Variants in CFAP47 observed in about 807,000 individuals in gnomAD.
CFAP47 encodes the protein cilia- and flagella-associated protein 47.
In CFAP47, 29 loss-of-function variants were observed where a neutral mutation model predicts 148.1. That is an observed-to-expected ratio of 0.20 (90% CI 0.15 to 0.27). The LOEUF is 0.27. CFAP47 is among the 10% of genes least tolerant of loss of function. CFAP47 has a pLI of 1.00. For missense variants in CFAP47, 1,872 were observed against 1,697.5 expected (o/e 1.10, Z -1.81); for synonymous variants, 664 against 577.3 (o/e 1.15, Z -2.15).
chrX:36,027,436 A>G (rs777109104), intron 22 of CFAP47, among the ~76,000 whole-genome samples: 107 of 110,489 alleles, frequency 9.7e-4, no homozygotes, highest in African/African-American at 3.4e-3. Flanking sequence ...AAGAACATGC[A>G]GTATTTGACT....
chrX:36,129,057 G>T (rs1228725253), intron 33 of CFAP47, among the ~76,000 whole-genome samples: 2 of 109,061 alleles, frequency 1.8e-5, no homozygotes, highest in Non-Finnish European at 3.8e-5. Flanking sequence ...TGAATTTTAT[G>T]GTATTCACTG....
At chrX:36,223,034 G>A (rs782349838) in intron 45 of CFAP47, among the ~76,000 whole-genome samples, 1 of 110,201 alleles carries the variant, frequency 9.1e-6, no homozygotes, top group Non-Finnish European at 1.9e-5. Context: ...TCTGGTTGTT[G>A]AAAAGTGTAT....
chrX:36,379,405 G>A lies in CFAP47; in HGVS notation c.9241G>A (p.Val3081Ile). The change falls in exon 63 of 64, where the codon GTA (valine) becomes ATA (isoleucine). Residue 3081 changes from valine to isoleucine, a missense_variant. Physicochemically the swap from Val to Ile is conservative, Grantham distance 29 (BLOSUM62 3). Coordinates refer to ENST00000378653, the MANE Select transcript of CFAP47 (RefSeq NM_001304548.2). The part of the protein sequence containing the change: ...FLPGSDLEFF[V>I]KPQAGELLPF... ...ACCTGGCAGCGATCTGGAGTTTTTT[G>A]TAAAACCTCAGGCTGGAGAACTTCT... 8.6e-7 allele frequency: 1 copy of A among 1,166,458 alleles called. No individual in the cohort carries two copies.
intron 45 of CFAP47, among the ~76,000 whole-genome samples, chrX:36,216,980 G>A (rs1338377997): frequency 2.7e-5 from 3 of 111,819 alleles, no homozygotes; most frequent in Non-Finnish European, 5.6e-5. Context: ...TTGTCCCCAG[G>A]TAGGAAGGGG....
At chrX:35,985,911 T>A (rs754719692) in intron 15 of CFAP47, 1 of 332,448 alleles carries the variant, frequency 3.0e-6, no homozygotes, top group Non-Finnish European at 5.9e-6. Flanking sequence ...CCTGCCATCA[T>A]TAGCTTATTT....
At chrX:36,279,543 G>T in intron 49 of CFAP47, among the ~76,000 whole-genome samples, 1 of 111,659 alleles carries the variant, frequency 9.0e-6, no homozygotes, top group Non-Finnish European at 1.9e-5. Flanking sequence ...GTGTGCAAAG[G>T]TTTGTTTATG....
chrX:36,371,525 GTATA>G (rs1218445593), intron 62 of CFAP47, among the ~76,000 whole-genome samples: 1 of 104,714 alleles, frequency 9.5e-6, no homozygotes, highest in South Asian at 4.2e-4. Context: ...ATATATGTGT[GTATA>G]TATATGTGTA....
At chrX:36,276,174 A>G (rs1556002663) in intron 49 of CFAP47, among the ~76,000 whole-genome samples, 2 of 110,799 alleles carry the variant, frequency 1.8e-5, no homozygotes, top group Non-Finnish European at 3.8e-5. Context: ...ATAACTCTTC[A>G]CTGTGCTAGT....
intron 42 of CFAP47, 127 bp from the exon 43 acceptor site, chrX:36,200,252 G>A (rs1381261177): frequency 7.2e-6 from 2 of 278,373 alleles, no homozygotes; most frequent in Non-Finnish European, 1.3e-5. Context: ...CCCATTTATA[G>A]GCTGTGTTGC....
In CFAP47 at chrX:36,006,150, T is replaced by C. The variant is rs1018802886; in HGVS notation, c.3417+4443T>C. On this transcript the variant is annotated intron_variant, in intron 21 of 63. Coordinates refer to ENST00000378653, the MANE Select transcript of CFAP47 (RefSeq NM_001304548.2). ...TCTTACATGACTTTTTTGGAGAATGTATTATATATAATATATTTAGACAAT... is the reference window on the plus strand; with the variant it reads ...TCTTACATGACTTTTTTGGAGAATGCATTATATATAATATATTTAGACAAT... 5.4e-5 allele frequency among the ~76,000 whole-genome samples: 6 copies of C among 111,124 alleles called. No homozygotes were observed. The East Asian group carries it at 1.7e-3, about 31-fold the overall frequency.
chrX:36,193,567 A>G (rs1478861983), intron 42 of CFAP47, among the ~76,000 whole-genome samples: 2 of 111,325 alleles, frequency 1.8e-5, no homozygotes, highest in African/African-American at 6.5e-5. Context: ...TTCCTGGGGA[A>G]ACATAGGCAA....
intron 50 of CFAP47, 144 bp downstream of exon 50, chrX:36,280,774 A>G (rs781845899): frequency 9.1e-6 from 3 of 327,923 alleles, no homozygotes; most frequent in Admixed American, 5.6e-5. Flanking sequence ...TTATTTCAGT[A>G]TTAACTATAT....
rs1939655510 is a variant in CFAP47 at position 36,175,260 on chromosome X, C to T, written c.6027-4085C>T. ...CTTTGGTTTGAATGTCCTCCCATAGCTCAGAGCAATTTGATCGTCTGAAGC... is the reference window on the plus strand; with the variant it reads ...CTTTGGTTTGAATGTCCTCCCATAGTTCAGAGCAATTTGATCGTCTGAAGC... On this transcript the variant is annotated intron_variant, in intron 39 of 63. Coordinates refer to ENST00000378653, the MANE Select transcript of CFAP47 (RefSeq NM_001304548.2). Among the ~76,000 whole-genome samples the T allele has an allele frequency of 4.5e-5, 5 of 111,899 alleles. No individual in the cohort carries two copies. The Admixed American group carries it at 4.7e-4, about 11-fold the overall frequency.
At chrX:36,024,347 TCTC>T (rs772900581) in intron 22 of CFAP47, among the ~76,000 whole-genome samples, 8 of 111,572 alleles carry the variant, frequency 7.2e-5, no homozygotes, top group Admixed American at 5.7e-4. Flanking sequence ...TTGCCTCTCT[TCTC>T]CTCAAGTGTA....
rs768281683 is a variant in CFAP47 at position 36,158,382 on chromosome X, C to T, written c.5787-1044C>T. Among the ~76,000 whole-genome samples the T allele has an allele frequency of 1.4e-3, 155 of 112,138 alleles. 1 individual carries two copies. Among genetic ancestry groups the T allele is most frequent in the Non-Finnish European group, 2.4e-3 (127 of 53,209 alleles). On this transcript the variant is annotated intron_variant, in intron 37 of 63. Transcript: ENST00000378653. ...TGAAAGATTGATCCAGTAACAAAAT[C>T]GAGAGTCCATTGTTTAATTTAGAGT...
intron 35 of CFAP47, among the ~76,000 whole-genome samples, chrX:36,140,105 A>T (rs1939114484): frequency 8.9e-6 from 1 of 111,832 alleles, no homozygotes; most frequent in Non-Finnish European, 1.9e-5. Context: ...TCAGGGGTGC[A>T]GATGTGACAA....
In CFAP47 at chrX:36,350,090, A is replaced by T; in HGVS notation, c.8656A>T (p.Ile2886Phe). The change falls in exon 59 of 64, where the codon ATT becomes TTT. Residue 2886 changes from isoleucine (I) to phenylalanine (F), a missense_variant. By Grantham distance (21) the Ile-to-Phe change is conservative. Coordinates refer to ENST00000378653, the MANE Select transcript of CFAP47 (RefSeq NM_001304548.2). ...CCAAGCAATACACTGGATATACCCTATTGTTGGACTCCCACAAGCACCACC... is the reference window on the plus strand; with the variant it reads ...CCAAGCAATACACTGGATATACCCTTTTGTTGGACTCCCACAAGCACCACC... Reference protein sequence around the residue: ...EIQAIHWIYPIVGLPQAPPPK... With the variant: ...EIQAIHWIYPFVGLPQAPPPK... The T allele has an allele frequency of 8.6e-7, 1 of 1,161,423 alleles. No individual in the cohort carries two copies. Among genetic ancestry groups the T allele is most frequent in the Non-Finnish European group, 1.2e-6 (1 of 867,876 alleles).
chrX:36,223,956 A>T (rs1272559332), intron 45 of CFAP47, among the ~76,000 whole-genome samples: 1 of 111,462 alleles, frequency 9.0e-6, no homozygotes, highest in Non-Finnish European at 1.9e-5. Flanking sequence ...CAATATACCC[A>T]TGTAAAAATT....
chrX:36,215,113 G>A (rs144536818), intron 45 of CFAP47, among the ~76,000 whole-genome samples: 9 of 110,793 alleles, frequency 8.1e-5, no homozygotes, highest in Admixed American at 2.9e-4. Flanking sequence ...ACATTATGAC[G>A]TCACTAGGCA....
Sources: gnomAD v4.1 joint callset for allele counts (sites outside exome capture counted in the v4.1 genomes callset) on GRCh38, gnomAD v4.1.1 for gene constraint, MANE v1.5 for transcripts, NCBI Gene and HGNC (gene_info 2026-07-23, HGNC 2026-07-21) for gene names.